Variants in DPP3 observed in about 807,000 individuals in gnomAD.
DPP3 encodes DPP III.
A neutral mutation model predicts 89.8 loss-of-function variants in DPP3; 64 were observed. That is an observed-to-expected ratio of 0.71 (90% CI 0.58 to 0.88). The LOEUF (loss-of-function observed/expected upper bound fraction) is 0.88. Ranked by LOEUF, DPP3 falls within the 40% of genes least tolerant of loss-of-function variation. DPP3 has a pLI of 0.00. For missense variants in DPP3, 835 were observed against 972.5 expected (o/e 0.86, Z 1.88); for synonymous variants, 377 against 404.3 (o/e 0.93, Z 0.81).
In DPP3 at chr11:66,492,880, G is replaced by A. The variant is rs202008504; in HGVS notation, c.1153G>A (p.Gly385Ser). 75 of 1,613,176 alleles carry A rather than the reference G, an allele frequency of 4.6e-5. No individual in the cohort carries two copies. Among genetic ancestry groups the A allele is most frequent in the African/African-American group, 2.8e-4 (21 of 74,880 alleles). Reference protein sequence around the residue: ...SLDVLTFAGSGIPAGINIPNY... With the variant: ...SLDVLTFAGSSIPAGINIPNY... ...GGATGTTCTCACCTTCGCTGGCTCCGGCATCCCTGCCGGCATCAACATCCC... is the reference window on the plus strand; with the variant it reads ...GGATGTTCTCACCTTCGCTGGCTCCAGCATCCCTGCCGGCATCAACATCCC... The change falls in exon 10 of 18, where the codon GGC (glycine) becomes AGC (serine). Residue 385 changes from glycine (G) to serine (S), a missense_variant. Transcript: ENST00000531863.
intron 6 of DPP3, among the ~76,000 whole-genome samples, chr11:66,488,874 CAG>C (rs1855304440): frequency 6.6e-6 from 1 of 152,130 alleles, no homozygotes; most frequent in Non-Finnish European, 1.5e-5. Flanking sequence ...TTTTTTGAGA[CAG>C]AGTCTTGCTG....
At chr11:66,495,047 C>T (rs570977197) in intron 12 of DPP3, among the ~76,000 whole-genome samples, 159 bp from the exon 13 acceptor site, 10 of 152,362 alleles carry the variant, frequency 6.6e-5, no homozygotes, top group African/African-American at 2.4e-4. Context: ...GGGCTCAGGG[C>T]TGTGCAGGCG....
At position 66,497,451 on chromosome 11, in the gene DPP3, C is replaced by G. The variant is rs1297723472; in HGVS notation, c.1852C>G (p.Leu618Val). 4.3e-6 allele frequency: 7 copies of G among 1,613,898 alleles called. No individual in the cohort carries two copies. Among genetic ancestry groups the G allele is most frequent in the Non-Finnish European group, 5.9e-6 (7 of 1,179,978 alleles). Residue 618 changes from leucine to valine, a missense_variant, in exon 16 of 18, where the codon CTA (leucine) becomes GTA (valine). Leu to Val is a conservative substitution (Grantham distance 32). Transcript: ENST00000531863. ...SKIRSVGKPA[L>V]ERFLRRLQVL... ...GATCCGGTCTGTGGGCAAGCCTGCT[C>G]TAGAGCGCTTCCTGCGGAGACTTCA...
At chr11:66,493,285 C>A in intron 11 of DPP3, 106 bp downstream of exon 11, 1 of 994,160 alleles carries the variant, frequency 1.0e-6, no homozygotes, top group Non-Finnish European at 1.5e-6. Flanking sequence ...TAGCTTCAGT[C>A]CTGGCTCTGC....
intron 12 of DPP3, 71 bp downstream of exon 12, chr11:66,493,704 G>C: frequency 6.8e-7 from 1 of 1,477,820 alleles, no homozygotes; most frequent in African/African-American, 1.4e-5. Flanking sequence ...CCTACCCAGC[G>C]GTGAAGCTGC....
At chr11:66,500,915 A>T (rs550615144) in intron 16 of DPP3, among the ~76,000 whole-genome samples, 10 of 152,022 alleles carry the variant, frequency 6.6e-5, no homozygotes, top group African/African-American at 2.4e-4. Flanking sequence ...AAGGCTGGGC[A>T]TGGTGGCTCA....
Position 66,492,887 on chromosome 11 carries a change from C to G in DPP3, c.1160C>G (p.Pro387Arg). 6.2e-7 allele frequency: 1 copy of G among 1,612,562 alleles called. No individual in the cohort carries two copies. Among genetic ancestry groups the G allele is most frequent in the Non-Finnish European group, 8.5e-7 (1 of 1,179,202 alleles). The change falls in exon 10 of 18, where the codon CCT becomes CGT. Residue 387 changes from proline (P) to arginine (R), a missense_variant. Physicochemically the swap from Pro to Arg is moderately radical, Grantham distance 103. Transcript: ENST00000531863. Reference protein sequence around the residue: ...DVLTFAGSGIPAGINIPNYDD... With the variant: ...DVLTFAGSGIRAGINIPNYDD... The stretch of plus-strand genomic sequence containing the variant: ...CTCACCTTCGCTGGCTCCGGCATCC[C>G]TGCCGGCATCAACATCCCCAACTGT...
In DPP3 at chr11:66,509,227, T is replaced by C; in HGVS notation, c.2190T>C (p.Ser730=). 6.2e-7 allele frequency: 1 copy of C among 1,613,024 alleles called. No homozygotes were observed. Among genetic ancestry groups the C allele is most frequent in the Non-Finnish European group, 8.5e-7 (1 of 1,179,554 alleles). ...ATGCCCGATTCTGGAAGGGCCCCAG[T>C]GAGGCCCCATCTGGCCAAGCTTGAG... ...TADARFWKGP[S]EAPSGQA The change falls in exon 18 of 18, where the codon AGT becomes AGC. Residue 730 remains serine, a synonymous_variant. Coordinates refer to ENST00000531863, the MANE Select transcript of DPP3 (RefSeq NM_130443.4).
In DPP3 at chr11:66,491,690, T is replaced by C. The variant is rs770953513; in HGVS notation, c.930-8T>C. On this transcript the variant is annotated splice_region_variant and splice_polypyrimidine_tract_variant and intron_variant, in intron 8 of 17. Coordinates refer to ENST00000531863, the MANE Select transcript of DPP3 (RefSeq NM_130443.4). ...CCCCTCCTCCACCTCTGCCCTTCTC[T>C]CCCCCAGTTACATCGGGTTCATCGA... The C allele has an allele frequency of 1.2e-5, 19 of 1,599,916 alleles. No individual in the cohort carries two copies. The highest frequency in any genetic ancestry group is 1.5e-5 in the Non-Finnish European group (18 of 1,175,372).
intron 16 of DPP3, 105 bp from the exon 17 acceptor site, chr11:66,504,507 G>A: frequency 7.5e-7 from 1 of 1,327,770 alleles, no homozygotes; most frequent in South Asian, 1.7e-5. Flanking sequence ...TCAAACCATA[G>A]CACAGACTGT....
Position 66,495,349 on chromosome 11 carries a change from G to T in DPP3, c.1453-16G>T, listed in dbSNP as rs201848307. The T allele has an allele frequency of 6.2e-7, 1 of 1,613,854 alleles. No individual in the cohort carries two copies. The highest frequency in any genetic ancestry group is 1.3e-5 in the African/African-American group (1 of 75,048). Reference sequence around the variant, plus strand: ...CAGTGGCCACCTTAAGCCCGACAGTGGAGCTCCTTTTCCAGATTCAGAGCT... The same window carrying T: ...CAGTGGCCACCTTAAGCCCGACAGTTGAGCTCCTTTTCCAGATTCAGAGCT... On this transcript the variant is annotated splice_polypyrimidine_tract_variant and intron_variant, in intron 13 of 17. Coordinates refer to ENST00000531863, the MANE Select transcript of DPP3 (RefSeq NM_130443.4).
intron 5 of DPP3, 107 bp downstream of exon 5, chr11:66,487,449 T>TACACAGGGA: frequency 2.5e-6 from 3 of 1,187,972 alleles, no homozygotes; most frequent in Non-Finnish European, 3.7e-6. Context: ...CTACTCCCTG[T>TACACAGGGA]GTACTAGGGA....
chr11:66,496,279 G>A (rs1438743100), intron 15 of DPP3, among the ~76,000 whole-genome samples: 1 of 152,058 alleles, frequency 6.6e-6, no homozygotes, highest in African/African-American at 2.4e-5. Flanking sequence ...ACAAAGTCTC[G>A]CTCTGTCACC....
chr11:66,482,481 T>C lies in DPP3; in HGVS notation c.270+11T>C, dbSNP rs767490295. 6.3e-7 allele frequency: 1 copy of C among 1,599,778 alleles called. No homozygotes were observed. The highest frequency in any genetic ancestry group is 1.3e-5 in the African/African-American group (1 of 74,884). On this transcript the variant is annotated intron_variant, in intron 2 of 17. Coordinates refer to ENST00000531863, the MANE Select transcript of DPP3 (RefSeq NM_130443.4). ...GAGGAGGAGTATCAGGTCAGTTCTC[T>C]TGGGCCAACCCACATTACCTGAGTG...
intron 9 of DPP3, 93 bp downstream of exon 9, chr11:66,491,849 C>T: frequency 5.8e-6 from 8 of 1,374,620 alleles, no homozygotes; most frequent in Non-Finnish European, 8.3e-6. Flanking sequence ...CCCACCCCCG[C>T]TCAGCCATAA....
intron 1 of DPP3, among the ~76,000 whole-genome samples, chr11:66,481,293 A>G (rs1412673226): frequency 2.0e-5 from 3 of 152,216 alleles, no homozygotes; most frequent in Non-Finnish European, 4.4e-5. Context: ...GTTCGAGACC[A>G]GCCTGGACAA....
At chr11:66,490,775 T>TC (rs200101272) in intron 6 of DPP3, among the ~76,000 whole-genome samples, 3 of 140,976 alleles carry the variant, frequency 2.1e-5, no homozygotes, top group African/African-American at 7.4e-5. Context: ...TTGTTTTGTT[T>TC]TTTTTTTTTT....
chr11:66,500,305 G>T (rs539077669), intron 16 of DPP3, among the ~76,000 whole-genome samples: 2 of 152,154 alleles, frequency 1.3e-5, no homozygotes, highest in Non-Finnish European at 2.9e-5. Flanking sequence ...AGTGAGCCAA[G>T]ATCATGCCAC....
intron 2 of DPP3, among the ~76,000 whole-genome samples, chr11:66,484,259 G>A (rs1331321865): frequency 2.0e-5 from 3 of 152,302 alleles, no homozygotes; most frequent in South Asian, 2.1e-4. Flanking sequence ...TTACAGGTGT[G>A]AGCCACCACG....
Sources: gnomAD v4.1 joint callset for allele counts (sites outside exome capture counted in the v4.1 genomes callset) on GRCh38, gnomAD v4.1.1 for gene constraint, MANE v1.5 for transcripts, NCBI Gene and HGNC (gene_info 2026-07-23, HGNC 2026-07-21) for gene names.